Variants in HEMK2 observed in about 807,000 individuals in gnomAD.
The protein encoded by HEMK2 is methyltransferase HEMK2.
the HEMK2 span, among the ~76,000 whole-genome samples, chr21:28,733,868 C>T: frequency 1.4e-5 from 1 of 71,112 alleles, no homozygotes; most frequent in African/African-American, 1.0e-4. Flanking sequence ...GACAGCCTCT[C>T]CCCACCCCCT....
chr21:28,843,123 A>C, the HEMK2 span, among the ~76,000 whole-genome samples: 2 of 152,160 alleles, frequency 1.3e-5, no homozygotes, highest in African/African-American at 4.8e-5. Flanking sequence ...TAGTATCCTC[A>C]TGAACTTGAA....
At chr21:28,792,828 C>A in the HEMK2 span, among the ~76,000 whole-genome samples, 1 of 152,138 alleles carries the variant, frequency 6.6e-6, no homozygotes, top group Non-Finnish European at 1.5e-5. Flanking sequence ...CACTGTTTTT[C>A]ATCTCCATCT....
the HEMK2 span, among the ~76,000 whole-genome samples, chr21:28,724,319 T>C: frequency 7.8e-3 from 1,188 of 152,360 alleles, 12 homozygotes; most frequent in African/African-American, 0.027. Context: ...ACCTTGTTTA[T>C]AAGCTTTATA....
the HEMK2 span, among the ~76,000 whole-genome samples, chr21:28,682,276 G>A: frequency 9.6e-4 from 144 of 150,350 alleles, no homozygotes; most frequent in African/African-American, 3.3e-3. Flanking sequence ...GAAGACATTT[G>A]TGCAGCCAAA....
At chr21:28,735,965 T>C in the HEMK2 span, among the ~76,000 whole-genome samples, 1 of 152,308 alleles carries the variant, frequency 6.6e-6, no homozygotes, top group East Asian at 1.9e-4. Context: ...ACCGGCTCAT[T>C]GGCCCTTCTA....
the HEMK2 span, among the ~76,000 whole-genome samples, chr21:28,783,713 C>T: frequency 2.7e-4 from 41 of 152,276 alleles, no homozygotes; most frequent in South Asian, 8.3e-3. Flanking sequence ...CTGGGCTAGC[C>T]GAGGCTGGAG....
chr21:28,635,974 C>A, the HEMK2 span, among the ~76,000 whole-genome samples: 1 of 152,048 alleles, frequency 6.6e-6, no homozygotes, highest in Non-Finnish European at 1.5e-5. Context: ...GGCTATTGGA[C>A]AACACATGCA....
the HEMK2 span, among the ~76,000 whole-genome samples, chr21:28,628,868 C>T: frequency 6.6e-6 from 1 of 152,228 alleles, no homozygotes; most frequent in African/African-American, 2.4e-5. Flanking sequence ...TGTGCTCTGG[C>T]ATTAACTGTG....
At chr21:28,864,816 C>CGAT in the HEMK2 span, among the ~76,000 whole-genome samples, 60 of 117,730 alleles carry the variant, frequency 5.1e-4, no homozygotes, top group East Asian at 8.2e-3. Context: ...GAAAGACAGA[C>CGAT]AGACAGATAG....
chr21:28,631,824 T>C, the HEMK2 span, among the ~76,000 whole-genome samples: 1 of 151,584 alleles, frequency 6.6e-6, no homozygotes, highest in Non-Finnish European at 1.5e-5. Context: ...GAGCCTAACC[T>C]CTTAGATTTA....
chr21:28,803,447 T>C, the HEMK2 span, among the ~76,000 whole-genome samples: 1 of 152,138 alleles, frequency 6.6e-6, no homozygotes, highest in Admixed American at 6.6e-5. Flanking sequence ...GAAACCCAAA[T>C]AAAGTCTGGA....
At chr21:28,733,866 C>G in the HEMK2 span, among the ~76,000 whole-genome samples, 1 of 71,150 alleles carries the variant, frequency 1.4e-5, no homozygotes, top group South Asian at 4.2e-4. Flanking sequence ...GCGACAGCCT[C>G]TCCCCACCCC....
chr21:28,737,449 T>C, the HEMK2 span, among the ~76,000 whole-genome samples: 1 of 152,290 alleles, frequency 6.6e-6, no homozygotes, highest in Middle Eastern at 3.4e-3. Context: ...TATCCACTTA[T>C]TATAAAATGT....
At chr21:28,605,316 T>C in the HEMK2 span, among the ~76,000 whole-genome samples, 19 of 152,224 alleles carry the variant, frequency 1.2e-4, no homozygotes, top group Non-Finnish European at 2.5e-4. Context: ...AGATTGTTCC[T>C]CTGTGTAGTG....
the HEMK2 span, among the ~76,000 whole-genome samples, chr21:28,643,395 T>C: frequency 6.6e-6 from 1 of 152,220 alleles, no homozygotes; most frequent in East Asian, 1.9e-4. Context: ...GAAAAGATTA[T>C]GTTGACTGGG....
chr21:28,879,804 A>T, the HEMK2 span: 1 of 1,229,960 alleles, frequency 8.1e-7, no homozygotes, highest in East Asian at 2.7e-5. Context: ...ATAGGATGAC[A>T]TTCATTTGAT....
At chr21:28,761,227 G>A in the HEMK2 span, among the ~76,000 whole-genome samples, 4 of 151,740 alleles carry the variant, frequency 2.6e-5, no homozygotes, top group Admixed American at 2.6e-4. Flanking sequence ...GGTATAAATG[G>A]GCACCATATT....
chr21:28,798,009 C>T, the HEMK2 span, among the ~76,000 whole-genome samples: 1 of 152,184 alleles, frequency 6.6e-6, no homozygotes, highest in African/African-American at 2.4e-5. Context: ...TAACTTCTAA[C>T]TGGAACACCA....
At chr21:28,577,509 C>CATTGAT in the HEMK2 span, 6 of 152,086 alleles carry the variant, frequency 3.9e-5, no homozygotes, top group African/African-American at 1.4e-4. Context: ...TTGCAATAAG[C>CATTGAT]ATTGATATTC....
Sources: gnomAD v4.1 joint callset for allele counts (sites outside exome capture counted in the v4.1 genomes callset) on GRCh38, gnomAD v4.1.1 for gene constraint, MANE v1.5 for transcripts, NCBI Gene and HGNC (gene_info 2026-07-23, HGNC 2026-07-21) for gene names.